The following PRKG1 variants were observed in gnomAD, a reference collection of about 807,000 sequenced individuals.
PRKG1 encodes the protein cGMP-dependent protein kinase 1.
Under a neutral mutation model 88.1 loss-of-function variants are expected in PRKG1, and 35 were observed. The ratio of observed to expected loss-of-function variants is 0.40; its 90% CI spans 0.30 to 0.53. PRKG1 has a LOEUF of 0.53. PRKG1 is among the 20% of genes least tolerant of loss of function. The pLI is 0.59. For synonymous variants in PRKG1, 303 were observed against 292.5 expected (o/e 1.04, Z -0.37); for missense variants, 540 against 839.8 (o/e 0.64, Z 4.41).
intron 3 of PRKG1, among the ~76,000 whole-genome samples, chr10:51,800,638 A>G (rs1344933574): frequency 6.6e-6 from 1 of 152,142 alleles, no homozygotes; most frequent in Non-Finnish European, 1.5e-5. Context: ...AACCATCTGT[A>G]CCATAGACTG....
In PRKG1 at chr10:51,840,271, AT is replaced by A. The variant is rs371466058; in HGVS notation, c.698+35591del. ...TGTTAAGGATTTTTGAAGCTATTTG[AT>A]TTTTTTTTTCTCTTTTCAACTAAGG... On this transcript the variant is annotated intron_variant, in intron 4 of 17. Transcript: ENST00000373980. 6.9e-3 allele frequency among the ~76,000 whole-genome samples: 1,031 copies of A among 149,756 alleles called. 14 individuals carry two copies. Among genetic ancestry groups the A allele is most frequent in the African/African-American group, 0.023 (945 of 40,874 alleles).
chr10:52,102,490 C>T (rs146566312), intron 7 of PRKG1, among the ~76,000 whole-genome samples: 85 of 149,698 alleles, frequency 5.7e-4, no homozygotes, highest in African/African-American at 2.0e-3. Flanking sequence ...CCCAAAACAA[C>T]AAATTTCTGC....
chr10:51,258,818 A>C (rs999644167), intron 2 of PRKG1, among the ~76,000 whole-genome samples: 4 of 152,214 alleles, frequency 2.6e-5, no homozygotes, highest in Non-Finnish European at 4.4e-5. Context: ...CTATCAGTGC[A>C]TTACTCCATG....
chr10:52,113,027 T>C (rs1017288660), intron 7 of PRKG1, among the ~76,000 whole-genome samples: 11 of 152,136 alleles, frequency 7.2e-5, no homozygotes, highest in Non-Finnish European at 1.3e-4. Flanking sequence ...GGAAATTGCT[T>C]AACCTCTGTT....
chr10:51,208,294 A>G (rs1201004335), intron 2 of PRKG1, among the ~76,000 whole-genome samples: 2 of 152,206 alleles, frequency 1.3e-5, no homozygotes, highest in African/African-American at 2.4e-5. Context: ...GATACCGGTT[A>G]TGTAATATTT....
At chr10:51,980,801 A>T (rs1469803898) in intron 5 of PRKG1, among the ~76,000 whole-genome samples, 1 of 151,990 alleles carries the variant, frequency 6.6e-6, no homozygotes, top group Non-Finnish European at 1.5e-5. Context: ...TTAGTATTGC[A>T]ACTCTGATTT....
At position 51,068,491 on chromosome 10, in the gene PRKG1, A is replaced by G. The variant is rs1046704224; in HGVS notation, c.266+76847A>G. The G allele has an allele frequency of 2.6e-5, 4 of 152,032 alleles. No individual in the cohort carries two copies. The East Asian group carries it at 7.7e-4, about 29-fold the overall frequency. 9.4% of individuals were successfully genotyped at this position (152,032 alleles called of 1,614,324 possible). A position where few individuals can be genotyped will look rare whatever the true frequency, so the allele number is the denominator to read the frequency against. On this transcript the variant is annotated intron_variant, in intron 1 of 17. Coordinates refer to the PRKG1 transcript ENST00000401604. Reference sequence around the variant, plus strand: ...ATCTTTAGTATTTTCTTACCTTATTATTTTTAAAGAGTTTGCTAGCAAAAC... The same window carrying G: ...ATCTTTAGTATTTTCTTACCTTATTGTTTTTAAAGAGTTTGCTAGCAAAAC...
chr10:51,474,987 A>G (rs373951872), intron 3 of PRKG1, among the ~76,000 whole-genome samples: 4 of 151,986 alleles, frequency 2.6e-5, no homozygotes, highest in African/African-American at 9.7e-5. Context: ...GTAATCTTCA[A>G]AATACCTCAA....
At chr10:51,376,902 C>A (rs1842829104) in intron 2 of PRKG1, among the ~76,000 whole-genome samples, 1 of 152,086 alleles carries the variant, frequency 6.6e-6, no homozygotes, top group Admixed American at 6.5e-5. Flanking sequence ...TTTTTGAACT[C>A]CTGACCTCAG....
intron 5 of PRKG1, among the ~76,000 whole-genome samples, chr10:52,030,451 T>A (rs569941237): frequency 6.6e-6 from 1 of 152,342 alleles, no homozygotes; most frequent in African/African-American, 2.4e-5. Flanking sequence ...TGTAAGCTCA[T>A]AAAAGGCATA....
intron 3 of PRKG1, among the ~76,000 whole-genome samples, chr10:51,706,990 G>T (rs1038836191): frequency 3.3e-5 from 5 of 151,892 alleles, no homozygotes; most frequent in Admixed American, 3.3e-4. Context: ...TTATTTGGGG[G>T]CCTATATCTT....
At chr10:52,087,981 A>C (rs889353207) in intron 7 of PRKG1, among the ~76,000 whole-genome samples, 2 of 152,216 alleles carry the variant, frequency 1.3e-5, no homozygotes, top group African/African-American at 4.8e-5. Context: ...CTCCTTCATC[A>C]AGGACTAATG....
At chr10:52,188,196 GTGTGTATATATATA>G (rs1251903999) in intron 9 of PRKG1, among the ~76,000 whole-genome samples, 6 of 132,506 alleles carry the variant, frequency 4.5e-5, no homozygotes, top group Admixed American at 8.7e-5. Context: ...ATGTATGTGT[GTGTGTATATATATA>G]TGTGTATATA....
intron 1 of PRKG1, among the ~76,000 whole-genome samples, chr10:51,064,771 T>C (rs184681434): frequency 4.7e-4 from 71 of 152,218 alleles, no homozygotes; most frequent in African/African-American, 1.6e-3. Context: ...TAACATAGCA[T>C]TGTGACTTTA....
intron 4 of PRKG1, among the ~76,000 whole-genome samples, chr10:51,901,753 T>C (rs1270310317): frequency 1.3e-5 from 2 of 152,198 alleles, no homozygotes; most frequent in Non-Finnish European, 2.9e-5. Context: ...TGATAATCTT[T>C]CCAAAAATGT....
At chr10:51,834,020 C>T (rs2030735818) in intron 4 of PRKG1, among the ~76,000 whole-genome samples, 1 of 152,128 alleles carries the variant, frequency 6.6e-6, no homozygotes, top group South Asian at 2.1e-4. Flanking sequence ...CAGGTCATCA[C>T]AAATGACAGA....
At chr10:51,369,499 C>T (rs1035768680) in intron 2 of PRKG1, among the ~76,000 whole-genome samples, 7 of 151,992 alleles carry the variant, frequency 4.6e-5, no homozygotes, top group Non-Finnish European at 8.8e-5. Context: ...TCATCTCTTT[C>T]ATGTCTGGAA....
Position 52,224,808 on chromosome 10 carries a change from C to CATATATATATATATATATATAT in PRKG1, c.1077-26752_1077-26731dup, listed in dbSNP as rs71032630. On this transcript the variant is annotated intron_variant, in intron 9 of 17. Coordinates refer to ENST00000373980, the MANE Select transcript of PRKG1 (RefSeq NM_006258.4). ...TTTTTATGGCTGCATAGTATTCCAT[C>CATATATATATATATATATATAT]ATATATATATATATATATATATATA... 3.7e-3 allele frequency among the ~76,000 whole-genome samples: 388 copies of CATATATATATATATATATATAT among 106,174 alleles called. 2 individuals are homozygous for CATATATATATATATATATATAT. The highest frequency in any genetic ancestry group is 4.7e-3 in the Non-Finnish European group (245 of 52,130). 69.7% of individuals were successfully genotyped at this position (106,174 alleles called of 152,430 possible). A position where few individuals can be genotyped will look rare whatever the true frequency, so the allele number is the denominator to read the frequency against.
intron 3 of PRKG1, among the ~76,000 whole-genome samples, chr10:51,487,182 T>G (rs1404405929): frequency 2.0e-5 from 3 of 152,140 alleles, no homozygotes; most frequent in African/African-American, 7.2e-5. Flanking sequence ...CTTATAATAT[T>G]GAGAATGTAA....
Sources: gnomAD v4.1 joint callset for allele counts (sites outside exome capture counted in the v4.1 genomes callset) on GRCh38, gnomAD v4.1.1 for gene constraint, MANE v1.5 for transcripts, NCBI Gene and HGNC (gene_info 2026-07-23, HGNC 2026-07-21) for gene names.